LRRIQ3: variants seen among roughly 807,000 people sequenced by gnomAD.
The protein encoded by LRRIQ3 is leucine-rich repeat and IQ domain-containing protein 3.
LRRIQ3 carries 75 observed loss-of-function variants against 59.3 expected under a neutral mutation model. The observed-to-expected ratio is 1.26, with a 90% confidence interval of 1.05 to 1.53. The LOEUF (loss-of-function observed/expected upper bound fraction) is 1.53, where lower values mean the gene tolerates loss of function less well. Ranked by LOEUF, LRRIQ3 falls within the 40% of genes most tolerant of loss-of-function variation. The probability of loss-of-function intolerance (pLI) is 0.00; values close to 1 mark genes in which losing one functional copy is unlikely to be tolerated. For synonymous variants in LRRIQ3, 250 were observed against 231.3 expected (o/e 1.08, Z -0.73); for missense variants, 831 against 710.0 (o/e 1.17, Z -1.94).
intron 4 of LRRIQ3, among the ~76,000 whole-genome samples, chr1:74,119,035 TG>T (rs1435341310): frequency 6.6e-6 from 1 of 152,136 alleles, no homozygotes; most frequent in African/African-American, 2.4e-5. Context: ...TCTGGGCAGG[TG>T]TTTGACCAAG....
At chr1:74,143,953 T>C (rs1054621899) in intron 4 of LRRIQ3, among the ~76,000 whole-genome samples, 20 of 152,046 alleles carry the variant, frequency 1.3e-4, no homozygotes, top group African/African-American at 4.8e-4. Flanking sequence ...TAAGTTGTGA[T>C]AATGCTATTT....
intron 5 of LRRIQ3, among the ~76,000 whole-genome samples, chr1:74,093,823 T>C (rs1305520979): frequency 6.6e-6 from 1 of 152,086 alleles, no homozygotes. Context: ...TCTCAGAATC[T>C]GCCAAATACT....
intron 5 of LRRIQ3, among the ~76,000 whole-genome samples, chr1:74,104,597 T>A (rs749942835): frequency 1.3e-5 from 2 of 152,012 alleles, no homozygotes; most frequent in Non-Finnish European, 2.9e-5. Flanking sequence ...ACATACTATA[T>A]GATTTCAACT....
intron 4 of LRRIQ3, among the ~76,000 whole-genome samples, chr1:74,144,847 C>T (rs939657051): frequency 6.6e-6 from 1 of 151,840 alleles, no homozygotes; most frequent in East Asian, 1.9e-4. Context: ...TGTACACACA[C>T]ACACACACAC....
At chr1:74,174,732 G>A (rs570793741) in intron 3 of LRRIQ3, among the ~76,000 whole-genome samples, 4 of 151,468 alleles carry the variant, frequency 2.6e-5, no homozygotes, top group Admixed American at 2.6e-4. Flanking sequence ...ATTTCTTGTT[G>A]GTTAATAGTT....
At chr1:74,158,853 GT>G (rs1648497877) in intron 3 of LRRIQ3, among the ~76,000 whole-genome samples, 1 of 151,966 alleles carries the variant, frequency 6.6e-6, no homozygotes, top group Non-Finnish European at 1.5e-5. Flanking sequence ...TAGCTGAAAG[GT>G]TTTGTCCCCA....
chr1:74,101,494 A>G (rs1646532847), intron 5 of LRRIQ3, among the ~76,000 whole-genome samples: 1 of 152,218 alleles, frequency 6.6e-6, no homozygotes. Flanking sequence ...TGTGGAAGAC[A>G]GTGTAGTGAT....
intron 1 of LRRIQ3, among the ~76,000 whole-genome samples, chr1:74,190,446 CA>C (rs1408543512): frequency 1.4e-5 from 2 of 143,542 alleles, no homozygotes; most frequent in Non-Finnish European, 3.1e-5. Flanking sequence ...GATATGTCAA[CA>C]AAAACATTCA....
chr1:74,150,763 T>TA (rs1647882125), intron 4 of LRRIQ3, among the ~76,000 whole-genome samples: 1 of 152,138 alleles, frequency 6.6e-6, no homozygotes, highest in South Asian at 2.1e-4. Context: ...CTGATTCTTT[T>TA]ATCTATTTTA....
chr1:74,069,807 A>C (rs1654969419), intron 6 of LRRIQ3, among the ~76,000 whole-genome samples: 1 of 152,100 alleles, frequency 6.6e-6, no homozygotes, highest in South Asian at 2.1e-4. Context: ...ATAATATGCA[A>C]GCTCCAAGAC....
chr1:74,050,096 G>A (rs1351617623), intron 6 of LRRIQ3, among the ~76,000 whole-genome samples: 1 of 151,746 alleles, frequency 6.6e-6, no homozygotes, highest in Non-Finnish European at 1.5e-5. Context: ...GCTAATTTTT[G>A]TATTTTTAGT....
chr1:74,096,493 A>G (rs192601746), intron 5 of LRRIQ3, among the ~76,000 whole-genome samples: 4 of 152,240 alleles, frequency 2.6e-5, no homozygotes, highest in Admixed American at 2.6e-4. Flanking sequence ...TCTCAAGGTT[A>G]TAACTTCCTC....
At chr1:74,070,175 C>A (rs906363620) in intron 6 of LRRIQ3, among the ~76,000 whole-genome samples, 5 of 151,990 alleles carry the variant, frequency 3.3e-5, no homozygotes, top group East Asian at 3.9e-4. Flanking sequence ...AAGACACATG[C>A]ACACATGTTC....
chr1:74,122,562 A>C (rs919824314), intron 4 of LRRIQ3, among the ~76,000 whole-genome samples: 1 of 152,160 alleles, frequency 6.6e-6, no homozygotes. Context: ...AACTCTGACA[A>C]AAACAAGAAA....
At chr1:74,179,427 A>G (rs1649845652) in intron 3 of LRRIQ3, among the ~76,000 whole-genome samples, 1 of 151,976 alleles carries the variant, frequency 6.6e-6, no homozygotes, top group Admixed American at 6.6e-5. Flanking sequence ...TGCTTCTTTA[A>G]TTTCTATATT....
At chr1:74,177,224 T>C (rs929233043) in intron 3 of LRRIQ3, among the ~76,000 whole-genome samples, 6 of 152,102 alleles carry the variant, frequency 3.9e-5, no homozygotes, top group African/African-American at 1.4e-4. Context: ...TCTATGCCAA[T>C]TATGTAGGCT....
At chr1:74,191,356 A>G (rs796930983) in intron 1 of LRRIQ3, among the ~76,000 whole-genome samples, 23 of 152,274 alleles carry the variant, frequency 1.5e-4, no homozygotes, top group African/African-American at 5.3e-4. Context: ...GTTAAGAAAG[A>G]GTGTTGGGAA....
At chr1:74,099,663 T>C (rs1408823460) in intron 5 of LRRIQ3, among the ~76,000 whole-genome samples, 1 of 152,116 alleles carries the variant, frequency 6.6e-6, no homozygotes, top group Non-Finnish European at 1.5e-5. Flanking sequence ...CTCAATAAAA[T>C]ACTAGCAAAC....
At chr1:74,169,888 T>A (rs2100696908) in intron 3 of LRRIQ3, among the ~76,000 whole-genome samples, 1 of 152,270 alleles carries the variant, frequency 6.6e-6, no homozygotes, top group South Asian at 2.1e-4. Context: ...ATCTCCTCAT[T>A]CTTTGATTTT....
Sources: allele counts gnomAD v4.1 joint callset (sites outside exome capture counted in the v4.1 genomes callset), GRCh38; gene constraint gnomAD v4.1.1; transcripts MANE v1.5; gene names NCBI Gene and HGNC (gene_info 2026-07-23, HGNC 2026-07-21).